The following TBC1D32 variants were observed in gnomAD, a reference collection of about 807,000 sequenced individuals.
The protein encoded by TBC1D32 is protein broad-minded.
Under a neutral mutation model 170.3 loss-of-function variants are expected in TBC1D32, and 151 were observed. The observed-to-expected ratio is 0.89, with a 90% confidence interval of 0.78 to 1.01. TBC1D32 has a LOEUF of 1.01. TBC1D32 is among the 50% of genes least tolerant of loss of function. The pLI, the probability that TBC1D32 is intolerant of heterozygous loss-of-function variation, is 0.00. For missense variants in TBC1D32, 1,464 were observed against 1,457.1 expected (o/e 1.00, Z -0.08); for synonymous variants, 498 against 488.0 (o/e 1.02, Z -0.27).
chr6:121,317,520 G>A lies in TBC1D32; in HGVS notation c.470C>T (p.Ser157Phe), dbSNP rs75747353. The A allele has an allele frequency of 0.022, 35,461 of 1,608,722 alleles. 1,410 individuals carry two copies. Among genetic ancestry groups the A allele is most frequent in the East Asian group, 0.14 (6,247 of 44,446 alleles). ...KSHSYRTDNC[S>F]DSDSSLNQSY... ...CTGATTCAATGATGAATCACTATCA[G>A]AGCAATTGTCTGTGCGGTAACTATG... The change falls in exon 3 of 32, where the codon TCT (serine) becomes TTT (phenylalanine). Residue 157 changes from serine (S) to phenylalanine (F), a missense_variant. By Grantham distance (155) the Ser-to-Phe change is radical. Coordinates refer to ENST00000398212, the MANE Select transcript of TBC1D32 (RefSeq NM_152730.6).
At chr6:121,276,649 AAAATCCCACTTTACACTTT>A (rs1407562025) in intron 15 of TBC1D32, among the ~76,000 whole-genome samples, 15 of 152,192 alleles carry the variant, frequency 9.9e-5, no homozygotes, top group African/African-American at 3.6e-4. Context: ...GTTGTCTATA[AAAATCCCACTTTACACTTT>A]AAACATAAAG....
intron 30 of TBC1D32, among the ~76,000 whole-genome samples, chr6:121,101,869 T>G (rs902598492): frequency 6.6e-6 from 1 of 152,102 alleles, no homozygotes; most frequent in South Asian, 2.1e-4. Flanking sequence ...CTCCTTAAGC[T>G]GAAAAGCAAC....
intron 15 of TBC1D32, among the ~76,000 whole-genome samples, chr6:121,268,641 T>C (rs1362171620): frequency 2.0e-5 from 3 of 152,192 alleles, no homozygotes; most frequent in Non-Finnish European, 4.4e-5. Context: ...CTGACTGATG[T>C]ACCTGAAAGT....
In TBC1D32 at chr6:121,308,080, T is replaced by A; in HGVS notation, c.586A>T (p.Thr196Ser). The change falls in exon 5 of 32, where the codon ACA becomes TCA. Residue 196 changes from threonine (T) to serine (S), a missense_variant. By Grantham distance (58) the Thr-to-Ser change is moderately conservative (BLOSUM62 1). Around this residue, in one of 3 missense-constraint regions of TBC1D32, gnomAD observed 1,363 missense variants for 1,338.1 expected, o/e 1.02. Transcript: ENST00000398212. ...TCAGATGGAGGAGCTGAACATAATGTTTGCAAGGCTTCATATCTCACCTAC... is the reference window on the plus strand; with the variant it reads ...TCAGATGGAGGAGCTGAACATAATGATTGCAAGGCTTCATATCTCACCTAC... ...PKEVRYEALQ[T>S]LCSAPPSDVL... 6.2e-7 allele frequency: 1 copy of A among 1,613,188 alleles called. No individual in the cohort carries two copies. The highest frequency in any genetic ancestry group is 1.7e-5 in the Admixed American group (1 of 59,812).
chr6:121,154,052 A>AC (rs1344262280), intron 24 of TBC1D32, among the ~76,000 whole-genome samples: 4 of 151,324 alleles, frequency 2.6e-5, no homozygotes, highest in Non-Finnish European at 5.9e-5. Context: ...AAAAAAAAAA[A>AC]AAACCTCCTG....
chr6:121,190,073 GAC>G (rs533974518), intron 22 of TBC1D32, among the ~76,000 whole-genome samples: 1,283 of 63,628 alleles, frequency 0.02, 16 homozygotes, highest in Middle Eastern at 0.054. Context: ...GCCCAATACA[GAC>G]ACACACACAC....
chr6:121,252,815 C>T lies in TBC1D32; in HGVS notation c.2018+2513G>A, dbSNP rs566087929. On this transcript the variant is annotated intron_variant, in intron 17 of 31. Transcript: ENST00000398212. ...AGAAATAAAGCCAAATACTTACAGC[C>T]AACTGATCTTCAACAAAGCATAAGA... 2.6e-5 allele frequency among the ~76,000 whole-genome samples: 4 copies of T among 152,078 alleles called. No individual in the cohort carries two copies. The East Asian group carries it at 7.7e-4, about 29-fold the overall frequency.
At chr6:121,294,780 CAGTA>C in intron 10 of TBC1D32, 120 bp from the exon 11 acceptor site, 1 of 776,016 alleles carries the variant, frequency 1.3e-6, no homozygotes, top group South Asian at 1.5e-5. Flanking sequence ...ATATTTAGTA[CAGTA>C]CCTTTCTAGC....
Position 121,307,211 on chromosome 6 carries a change from C to CA in TBC1D32, c.690+764dup, listed in dbSNP as rs1005916383. Among the ~76,000 whole-genome samples, 60 of 151,374 alleles carry CA rather than the reference C, an allele frequency of 4.0e-4. 1 individual carries two copies. The highest frequency in any genetic ancestry group is 1.3e-3 in the African/African-American group (54 of 41,112). On this transcript the variant is annotated intron_variant, in intron 5 of 31. Transcript: ENST00000398212. The stretch of plus-strand genomic sequence containing the variant: ...GCAATGTGGTGAGGCTCCATCTCTA[C>CA]AAAAAATACAAAAATCAGCCAGGCA...
intron 13 of TBC1D32, among the ~76,000 whole-genome samples, chr6:121,282,741 CA>C (rs796611608): frequency 1.3e-5 from 2 of 151,736 alleles, no homozygotes; most frequent in African/African-American, 4.8e-5. Context: ...GTAAATAAGA[CA>C]AAAACAGTCC....
intron 1 of TBC1D32, among the ~76,000 whole-genome samples, chr6:121,323,664 G>A (rs369233369): frequency 3.3e-5 from 5 of 152,156 alleles, no homozygotes; most frequent in Non-Finnish European, 7.4e-5. Context: ...TAAACTGGCC[G>A]GGTGCAGTGA....
intron 1 of TBC1D32, among the ~76,000 whole-genome samples, chr6:121,323,040 T>C (rs1809964622): frequency 6.6e-6 from 1 of 152,164 alleles, no homozygotes. Flanking sequence ...ACTCTCCTCT[T>C]TCCAGCTACC....
At chr6:121,267,209 G>A (rs935732027) in intron 15 of TBC1D32, among the ~76,000 whole-genome samples, 5 of 151,434 alleles carry the variant, frequency 3.3e-5, no homozygotes, top group Admixed American at 6.6e-5. Context: ...CGTGAGCGAC[G>A]CAGAAGATGG....
Position 121,255,832 on chromosome 6 carries a change from A to T in TBC1D32, c.1935+252T>A, listed in dbSNP as rs573707828. Among the ~76,000 whole-genome samples, 58 of 152,236 alleles carry T rather than the reference A, an allele frequency of 3.8e-4. No individual in the cohort carries two copies. In the South Asian group the frequency reaches 8.1e-3, roughly 21 times the overall value. On this transcript the variant is annotated intron_variant, in intron 16 of 31. Transcript: ENST00000398212. ...TAGTCTATGTAAGGAAAATTAACCT[A>T]AAGCCTCATCTACGAGAAGAAAAGA...
intron 20 of TBC1D32, among the ~76,000 whole-genome samples, chr6:121,229,185 C>T (rs1795423730): frequency 6.6e-6 from 1 of 152,136 alleles, no homozygotes; most frequent in Middle Eastern, 3.2e-3. Context: ...CGCCTGCCCT[C>T]CCTCCATAAC....
chr6:121,196,726 T>C (rs574341132), intron 22 of TBC1D32, among the ~76,000 whole-genome samples: 42 of 152,306 alleles, frequency 2.8e-4, no homozygotes, highest in African/African-American at 9.6e-4. Flanking sequence ...GAATGGCCTT[T>C]TGAAGTCACA....
chr6:121,208,734 A>AAAAAAAAC (rs1231489001), intron 21 of TBC1D32, among the ~76,000 whole-genome samples: 17 of 146,788 alleles, frequency 1.2e-4, no homozygotes, highest in Admixed American at 6.8e-5. Context: ...ACCTGGAAAA[A>AAAAAAAAC]AAAAAAAAAA....
At chr6:121,119,313 G>T (rs1467252764) in intron 26 of TBC1D32, among the ~76,000 whole-genome samples, 1 of 151,968 alleles carries the variant, frequency 6.6e-6, no homozygotes, top group African/African-American at 2.4e-5. Context: ...CTGAGGAAAG[G>T]TTCATATTAA....
At chr6:121,130,211 G>A (rs1245881641) in intron 25 of TBC1D32, among the ~76,000 whole-genome samples, 1 of 152,162 alleles carries the variant, frequency 6.6e-6, no homozygotes, top group African/African-American at 2.4e-5. Context: ...GCAGGGCGCG[G>A]TGGCTCATGC....
Sources: gnomAD v4.1 joint callset for allele counts (sites outside exome capture counted in the v4.1 genomes callset) on GRCh38, gnomAD v4.1.1 for gene constraint, gnomAD v4.1.1 regional missense constraint, MANE v1.5 for transcripts, NCBI Gene and HGNC (gene_info 2026-07-23, HGNC 2026-07-21) for gene names.